OSBPL10: variants seen among roughly 807,000 people sequenced by gnomAD.
OSBPL10 encodes the protein oxysterol-binding protein-related protein 10.
In OSBPL10, 49 loss-of-function variants were observed where a neutral mutation model predicts 81.7. The observed-to-expected ratio is 0.60, with a 90% CI of 0.48 to 0.76. The LOEUF (loss-of-function observed/expected upper bound fraction) is 0.76. Ranked by LOEUF, OSBPL10 falls within the 30% of genes least tolerant of loss-of-function variation. The pLI is 0.00. For synonymous variants in OSBPL10, 419 were observed against 383.6 expected (o/e 1.09, Z -1.08); for missense variants, 923 against 987.8 (o/e 0.93, Z 0.88).
At chr3:32,015,173 T>C (rs956771668) in intron 2 of OSBPL10, among the ~76,000 whole-genome samples, 20 of 152,262 alleles carry the variant, frequency 1.3e-4, no homozygotes, top group Admixed American at 1.2e-3. Flanking sequence ...GCTGGAGGCA[T>C]CACACTACCT....
intron 4 of OSBPL10, among the ~76,000 whole-genome samples, chr3:31,777,319 AT>A (rs543314089): frequency 1.8e-4 from 27 of 150,700 alleles, no homozygotes; most frequent in African/African-American, 6.1e-4. Flanking sequence ...AGGCCCAGTA[AT>A]TTTTTTTTTC....
intron 3 of OSBPL10, among the ~76,000 whole-genome samples, chr3:31,834,339 G>A (rs1320773805): frequency 6.6e-6 from 1 of 152,178 alleles, no homozygotes; most frequent in Non-Finnish European, 1.5e-5. Context: ...ATTCGGAGTC[G>A]AGAGCAAGTT....
intron 1 of OSBPL10, among the ~76,000 whole-genome samples, chr3:31,968,966 G>C (rs1351555948): frequency 6.6e-6 from 1 of 152,174 alleles, no homozygotes; most frequent in South Asian, 2.1e-4. Flanking sequence ...TCAACGGCAC[G>C]TACTAGCACA....
At chr3:31,980,858 C>A in intron 1 of OSBPL10, 41 bp downstream of exon 1, 1 of 1,521,144 alleles carries the variant, frequency 6.6e-7, no homozygotes, top group Non-Finnish European at 8.8e-7. Flanking sequence ...CACACACACA[C>A]ACACAGCGGC....
At chr3:31,967,927 G>A (rs766207540) in intron 1 of OSBPL10, among the ~76,000 whole-genome samples, 37 of 152,088 alleles carry the variant, frequency 2.4e-4, no homozygotes, top group Non-Finnish European at 3.8e-4. Flanking sequence ...TGCTCTATTC[G>A]GTGATTAAGT....
intron 1 of OSBPL10, among the ~76,000 whole-genome samples, chr3:31,888,568 A>C (rs1695804861): frequency 6.6e-6 from 1 of 152,228 alleles, no homozygotes; most frequent in Non-Finnish European, 1.5e-5. Context: ...CAAACTATTC[A>C]TCTAACAAGA....
chr3:31,971,654 C>A (rs6550090), intron 1 of OSBPL10, among the ~76,000 whole-genome samples: 148,818 of 152,340 alleles, frequency 0.98, 72,708 homozygotes, highest in East Asian at 1. Context: ...ACTCTTAGCC[C>A]CAACACTGGG....
chr3:31,924,243 GA>G (rs1359922808), intron 1 of OSBPL10, among the ~76,000 whole-genome samples: 7 of 150,384 alleles, frequency 4.7e-5, no homozygotes, highest in Non-Finnish European at 1.0e-4. Context: ...AGAAAGAAAA[GA>G]AAAAAAGAAA....
At chr3:31,710,043 G>C (rs1696201164) in intron 6 of OSBPL10, among the ~76,000 whole-genome samples, 1 of 152,188 alleles carries the variant, frequency 6.6e-6, no homozygotes, top group South Asian at 2.1e-4. Flanking sequence ...TGAGGATAAG[G>C]AAGAGGCCAT....
rs529977762 is a variant in OSBPL10, at chr3:31,772,487, A to G, written c.730-24367T>C. On this transcript the variant is annotated intron_variant, in intron 4 of 11. Transcript: ENST00000396556. ...CTTGGTGGATTTTATTTTCCATTTT[A>G]CCAAAGAGAAAATGAGGCCCAAAAG... Among the ~76,000 whole-genome samples the G allele has an allele frequency of 1.1e-4, 17 of 152,344 alleles. 2 individuals are homozygous for G. The South Asian group carries it at 3.5e-3, about 32-fold the overall frequency.
intron 3 of OSBPL10, among the ~76,000 whole-genome samples, chr3:31,835,183 C>T (rs903216419): frequency 4.6e-5 from 7 of 152,024 alleles, no homozygotes; most frequent in Non-Finnish European, 8.8e-5. Flanking sequence ...ACTAAAAAAC[C>T]ACTTGCTTCG....
intron 1 of OSBPL10, among the ~76,000 whole-genome samples, chr3:31,922,089 A>G (rs1245674751): frequency 6.6e-6 from 1 of 152,222 alleles, no homozygotes; most frequent in East Asian, 1.9e-4. Flanking sequence ...AGAGGAGCCT[A>G]AGGGGCAGAA....
intron 3 of OSBPL10, among the ~76,000 whole-genome samples, chr3:31,848,387 C>T (rs943913716): frequency 2.0e-5 from 3 of 151,782 alleles, no homozygotes; most frequent in African/African-American, 4.8e-5. Context: ...TTCAAGGTCA[C>T]GGTGGAAAAT....
At chr3:31,765,564 G>T in intron 4 of OSBPL10, among the ~76,000 whole-genome samples, 1 of 152,172 alleles carries the variant, frequency 6.6e-6, no homozygotes, top group Non-Finnish European at 1.5e-5. Context: ...GAGCTGGGAA[G>T]GGGCTGTTCT....
At chr3:31,686,991 A>G (rs1700809047) in intron 7 of OSBPL10, among the ~76,000 whole-genome samples, 1 of 152,158 alleles carries the variant, frequency 6.6e-6, no homozygotes, top group Non-Finnish European at 1.5e-5. Context: ...CCACCCAGAC[A>G]GGGTGCACAA....
At chr3:32,073,330 C>T (rs1175260399) in intron 1 of OSBPL10, among the ~76,000 whole-genome samples, 1 of 152,242 alleles carries the variant, frequency 6.6e-6, no homozygotes, top group Non-Finnish European at 1.5e-5. Flanking sequence ...GCTGGACGAT[C>T]AGTTCTTGTT....
intron 1 of OSBPL10, among the ~76,000 whole-genome samples, chr3:31,910,170 A>T (rs1696532481): frequency 6.6e-6 from 1 of 151,780 alleles, no homozygotes; most frequent in South Asian, 2.1e-4. Flanking sequence ...TAGTAGAGAC[A>T]GGGTTTCACC....
intron 3 of OSBPL10, among the ~76,000 whole-genome samples, chr3:31,863,646 G>T (rs1701109451): frequency 6.6e-6 from 1 of 152,176 alleles, no homozygotes; most frequent in South Asian, 2.1e-4. Context: ...TGTGTTCCAA[G>T]ATGCCATTTA....
chr3:32,025,684 G>C (rs949929725), intron 2 of OSBPL10, among the ~76,000 whole-genome samples: 1 of 152,098 alleles, frequency 6.6e-6, no homozygotes, highest in African/African-American at 2.4e-5. Flanking sequence ...GGTCTATCAA[G>C]CTTTTCTATT....
Sources: allele counts gnomAD v4.1 joint callset (sites outside exome capture counted in the v4.1 genomes callset), GRCh38; gene constraint gnomAD v4.1.1; transcripts MANE v1.5; gene names NCBI Gene and HGNC (gene_info 2026-07-23, HGNC 2026-07-21).